STAT1: variants seen among roughly 807,000 people sequenced by gnomAD.
STAT1 encodes the protein signal transducer and activator of transcription 1, also known as signal transducer and activator of transcription 1-alpha/beta.
A neutral mutation model predicts 111.7 loss-of-function variants in STAT1; 24 were observed. That is an observed-to-expected ratio of 0.21 (90% CI 0.16 to 0.30). The LOEUF (loss-of-function observed/expected upper bound fraction) is 0.30, where lower values mean the gene tolerates loss of function less well. Ranked by LOEUF, STAT1 falls within the 10% of genes least tolerant of loss-of-function variation. The pLI is 1.00. For missense variants in STAT1, 351 were observed against 911.9 expected (o/e 0.38, Z 7.92); for synonymous variants, 332 against 326.5 (o/e 1.02, Z -0.18).
In STAT1 at chr2:190,986,712, C is replaced by A. The variant is rs41427447; in HGVS notation, c.1221+142G>T. ...GAAACCAAAATGCCCCAAGTACTGG[C>A]GACAGGAAGACACCAGCCACAAAGT... On this transcript the variant is annotated intron_variant, in intron 14 of 24. Coordinates refer to ENST00000361099, the MANE Select transcript of STAT1 (RefSeq NM_007315.4). The surrounding 1 kb of genome is among the most constrained non-coding windows in gnomAD (Gnocchi z 5.0). The A allele has an allele frequency of 7.5e-6, 6 of 800,040 alleles. No homozygotes were observed. The highest frequency in any genetic ancestry group is 2.9e-5 in the South Asian group (2 of 67,930). The allele number at this position is 800,040 out of a possible 1,614,324, so 49.6% of individuals were successfully genotyped here.
Position 190,983,786 on chromosome 2 carries a change from T to A in STAT1, c.1348-46A>T. The A allele has an allele frequency of 6.6e-7, 1 of 1,524,666 alleles. No homozygotes were observed. Among genetic ancestry groups the A allele is most frequent in the Non-Finnish European group, 9.1e-7 (1 of 1,098,690 alleles). The allele number at this position is 1,524,666 out of a possible 1,614,324, so 94.4% of individuals were successfully genotyped here. On this transcript the variant is annotated intron_variant, in intron 16 of 24. Transcript: ENST00000361099. The surrounding 1 kb of genome is among the most constrained non-coding windows in gnomAD (Gnocchi z 5.7). ...TGAAATCATCTGAATCACAGAAATG[T>A]CACCTTCAGATAACTGCTTAGCCTC... is the stretch of plus-strand genomic sequence containing the variant.
rs1311927895 is a variant in STAT1 at position 190,970,421 on chromosome 2, C to T, written c.*282G>A. ...TCCTTTCCCAAAGGACCCTCATTCT[C>T]GTCCTGATACTTTGGGTGTATCTGG... is the stretch of plus-strand genomic sequence containing the variant. On this transcript the variant is annotated 3_prime_UTR_variant, in exon 25 of 25. Coordinates refer to ENST00000361099, the MANE Select transcript of STAT1 (RefSeq NM_007315.4). The surrounding 1 kb of genome is among the most constrained non-coding windows in gnomAD (Gnocchi z 5.4). 7 of 508,044 alleles carry T rather than the reference C, an allele frequency of 1.4e-5. No homozygotes were observed. The highest frequency in any genetic ancestry group is 1.0e-4 in the South Asian group (5 of 48,526). The allele number at this position is 508,044 out of a possible 1,614,324, so 31.5% of individuals were successfully genotyped here.
Position 190,975,793 on chromosome 2 carries a change from CTCTTCTG to C in STAT1, c.2135+12_2135+18del, listed in dbSNP as rs1691865414. On this transcript the variant is annotated intron_variant, in intron 23 of 24. Transcript: ENST00000361099. This position sits in a 1 kb window ranked among gnomAD's most constrained non-coding sequence, Gnocchi z 5.9. Reference sequence around the variant, plus strand: ...TGGCTTGAGGTTTGTAAACATGTCACTCTTCTGTGTTCACTTACACTTCAGACACAGA... The same window carrying C: ...TGGCTTGAGGTTTGTAAACATGTCACTGTTCACTTACACTTCAGACACAGA... The C allele has an allele frequency of 2.5e-6, 4 of 1,613,960 alleles. No individual in the cohort carries two copies. The African/African-American group carries it at 5.3e-5, about 22-fold the overall frequency.
At position 190,974,062 on chromosome 2, in the gene STAT1, A is replaced by G. The variant is rs183236031; in HGVS notation, c.2238+768T>C. Among the ~76,000 whole-genome samples the G allele has an allele frequency of 6.6e-6, 1 of 152,354 alleles. No homozygotes were observed. The highest frequency in any genetic ancestry group is 1.9e-4 in the East Asian group (1 of 5,186). ...AGGATATTTTTTGGAAGCATTAAAT[A>G]AATTTTTAAAAATGAGCTGGAATAG... On this transcript the variant is annotated intron_variant, in intron 24 of 24. Coordinates refer to ENST00000361099, the MANE Select transcript of STAT1 (RefSeq NM_007315.4). The surrounding 1 kb of genome is among the most constrained non-coding windows in gnomAD (Gnocchi z 4.8).
In STAT1 at chr2:190,984,900, A is replaced by G. The variant is rs533662441; in HGVS notation, c.1264-507T>C. 3.3e-5 allele frequency among the ~76,000 whole-genome samples: 5 copies of G among 152,364 alleles called. No homozygotes were observed. Among genetic ancestry groups the G allele is most frequent in the African/African-American group, 1.2e-4 (5 of 41,586 alleles). ...TTACCTCATGTGAGCCTCACAACTT[A>G]GAACTAGAGAGGTGCAACAGCTAGA... is the stretch of plus-strand genomic sequence containing the variant. On this transcript the variant is annotated intron_variant, in intron 15 of 24. Transcript: ENST00000361099. The surrounding 1 kb of genome is among the most constrained non-coding windows in gnomAD (Gnocchi z 5.2).
At chr2:191,008,533 G>A (rs1376582359) in intron 4 of STAT1, among the ~76,000 whole-genome samples, 3 of 152,170 alleles carry the variant, frequency 2.0e-5, no homozygotes. Flanking sequence ...TTCCTTAGGT[G>A]AAAGTCAAAC....
In STAT1 at chr2:190,982,526, G is replaced by C. The variant is rs769967623; in HGVS notation, c.1447-8C>G. 8.1e-6 allele frequency: 13 copies of C among 1,613,976 alleles called. No individual in the cohort carries two copies. The highest frequency in any genetic ancestry group is 1.1e-5 in the Non-Finnish European group (13 of 1,179,990). On this transcript the variant is annotated splice_region_variant and splice_polypyrimidine_tract_variant and intron_variant, in intron 17 of 24. Coordinates refer to ENST00000361099, the MANE Select transcript of STAT1 (RefSeq NM_007315.4). This position sits in a 1 kb window ranked among gnomAD's most constrained non-coding sequence, Gnocchi z 7.3. ...CAGGAAGAAGGACAGATTCTAGAGA[G>C]AAAACACCCAAAATCTAAGGGTTAC...
chr2:190,978,616 A>C lies in STAT1; in HGVS notation c.1873+240T>G. 1 of 578,456 alleles carries C rather than the reference A, an allele frequency of 1.7e-6. No individual in the cohort carries two copies. The highest frequency in any genetic ancestry group is 1.9e-5 in the South Asian group (1 of 52,278). The allele number at this position is 578,456 out of a possible 1,614,324, so 35.8% of individuals were successfully genotyped here. ...TCTGCAGATAACAAACCTGATGCAA[A>C]GGAAAGAATTGGCATTGTCTTTTCA... On this transcript the variant is annotated intron_variant, in intron 21 of 24. Coordinates refer to ENST00000361099, the MANE Select transcript of STAT1 (RefSeq NM_007315.4). The surrounding 1 kb of genome is among the most constrained non-coding windows in gnomAD (Gnocchi z 6.1).
rs1182550148 is a variant in STAT1 at position 190,980,480 on chromosome 2, ACTTGCCCGAGGGGCTC to A, written c.1632+124_1632+139del. 8.2e-6 allele frequency: 8 copies of A among 979,810 alleles called. No homozygotes were observed. The highest frequency in any genetic ancestry group is 1.3e-5 in the Non-Finnish European group (8 of 620,110). 60.7% of individuals were successfully genotyped at this position (979,810 alleles called of 1,614,324 possible). On this transcript the variant is annotated intron_variant, in intron 19 of 24. Coordinates refer to ENST00000361099, the MANE Select transcript of STAT1 (RefSeq NM_007315.4). This position sits in a 1 kb window ranked among gnomAD's most constrained non-coding sequence, Gnocchi z 6.1. ...CTCCTGCACTGAAGAAAAGTAAACA[ACTTGCCCGAGGGGCTC>A]CTTGGCCAGAGAAGAACACGCCAAA...
rs536831089 is a variant in STAT1 at position 191,006,174 on chromosome 2, G to A, written c.372+1389C>T. 3.9e-5 allele frequency among the ~76,000 whole-genome samples: 6 copies of A among 152,302 alleles called. No individual in the cohort carries two copies. The highest frequency in any genetic ancestry group is 1.2e-4 in the African/African-American group (5 of 41,556). On this transcript the variant is annotated intron_variant, in intron 5 of 24. Coordinates refer to ENST00000361099, the MANE Select transcript of STAT1 (RefSeq NM_007315.4). This position sits in a 1 kb window ranked among gnomAD's most constrained non-coding sequence, Gnocchi z 4.6. ...TCAAGTCTATTAGAAATACAGAGGA[G>A]GCCCACGCATACTACTTTTAGGATG...
chr2:190,969,317 A>G lies in STAT1; in HGVS notation c.*1386T>C, dbSNP rs886973377. The G allele has an allele frequency of 6.6e-6, 1 of 152,204 alleles. No homozygotes were observed. Among genetic ancestry groups the G allele is most frequent in the Non-Finnish European group, 1.5e-5 (1 of 68,032 alleles). The allele number at this position is 152,204 out of a possible 1,614,324, so 9.4% of individuals were successfully genotyped here. ...GTGTGCATATTATATTTAATGCAAT[A>G]CAGATACTTTAGCTTTAATTTTAAA... On this transcript the variant is annotated 3_prime_UTR_variant, in exon 25 of 25. Coordinates refer to ENST00000361099, the MANE Select transcript of STAT1 (RefSeq NM_007315.4).
rs1224232481 is a variant in STAT1, at chr2:191,004,378, T to C, written c.372+3185A>G. On this transcript the variant is annotated intron_variant, in intron 5 of 24. Transcript: ENST00000361099. The surrounding 1 kb of genome is among the most constrained non-coding windows in gnomAD (Gnocchi z 5.0). ...AGACCTTGTTTGGATGGGAACTTGG[T>C]TACTCCAGACCCCAGAGCAAAGAAA... 6.6e-6 allele frequency among the ~76,000 whole-genome samples: 1 copy of C among 152,196 alleles called. No homozygotes were observed. Among genetic ancestry groups the C allele is most frequent in the Non-Finnish European group, 1.5e-5 (1 of 68,034 alleles).
rs988427380 is a variant in STAT1, at chr2:190,980,864, G to A, written c.1583-195C>T. ...TTATAATACGTGCTGTAAGAGGGCG[G>A]AATTTAAATGGTCTAAAATATGTAT... On this transcript the variant is annotated intron_variant, in intron 18 of 24. Transcript: ENST00000361099. The surrounding 1 kb of genome is among the most constrained non-coding windows in gnomAD (Gnocchi z 6.1). 6.6e-6 allele frequency among the ~76,000 whole-genome samples: 1 copy of A among 152,156 alleles called. No homozygotes were observed. Among genetic ancestry groups the A allele is most frequent in the Non-Finnish European group, 1.5e-5 (1 of 68,042 alleles).
chr2:190,991,698 T>A (rs12464143), intron 10 of STAT1, among the ~76,000 whole-genome samples: 34,873 of 150,948 alleles, frequency 0.23, 5,108 homozygotes, highest in African/African-American at 0.39. Flanking sequence ...ATCTTTACAA[T>A]TTGTTTTTTT....
rs932815505 is a variant in STAT1, at chr2:191,007,545, T to C, written c.372+18A>G. ...TTTTATTTTATTACAGTTTATGTGT[T>C]CAATGAGAAAAAAGTACCTGATTAA... On this transcript the variant is annotated intron_variant, in intron 5 of 24. Coordinates refer to ENST00000361099, the MANE Select transcript of STAT1 (RefSeq NM_007315.4). This position sits in a 1 kb window ranked among gnomAD's most constrained non-coding sequence, Gnocchi z 4.2. The C allele has an allele frequency of 8.3e-6, 13 of 1,562,866 alleles. No homozygotes were observed. The highest frequency in any genetic ancestry group is 1.1e-5 in the Non-Finnish European group (12 of 1,134,134).
Position 191,001,104 on chromosome 2 carries a change from A to G in STAT1, c.432T>C (p.Ser144=), listed in dbSNP as rs756854157. The change falls in exon 6 of 25, where the codon AGT becomes AGC. Residue 144 remains serine, a synonymous_variant. Transcript: ENST00000361099. ...VMLDKQKELD[S]KVRNVKDKVM... ...CCTTGTCCTTCACATTTCTGACTTT[A>G]CTGTCAAGCTCTTTCTGTTTGTCTA... 6.2e-7 allele frequency: 1 copy of G among 1,614,016 alleles called. No homozygotes were observed. The highest frequency in any genetic ancestry group is 2.2e-5 in the East Asian group (1 of 44,874).
intron 2 of STAT1, among the ~76,000 whole-genome samples, chr2:191,011,303 G>A (rs1695096272): frequency 6.6e-6 from 1 of 152,110 alleles, no homozygotes; most frequent in Non-Finnish European, 1.5e-5. Flanking sequence ...TCCCTGCTTG[G>A]TAACTAATAA....
rs1056003060 is a variant in STAT1, at chr2:191,013,643, C to G, written c.-120G>C. ...CACAGAGTGCGAACGTTAACCTAGA[C>G]AGCTCTCGAGGATGGCATACAGCAA... On this transcript the variant is annotated 5_prime_UTR_variant, in exon 2 of 25. Coordinates refer to ENST00000361099, the MANE Select transcript of STAT1 (RefSeq NM_007315.4). 5.0e-6 allele frequency: 2 copies of G among 398,522 alleles called. No homozygotes were observed. Among genetic ancestry groups the G allele is most frequent in the Non-Finnish European group, 8.8e-6 (2 of 226,110 alleles). The allele number at this position is 398,522 out of a possible 1,614,324, so 24.7% of individuals were successfully genotyped here.
At chr2:191,011,372 A>G (rs975405710) in intron 2 of STAT1, among the ~76,000 whole-genome samples, 2 of 152,192 alleles carry the variant, frequency 1.3e-5, no homozygotes, top group African/African-American at 2.4e-5. Context: ...AACGCCTCTT[A>G]TTAGCCAAGC....
Sources: allele counts gnomAD v4.1 joint callset (sites outside exome capture counted in the v4.1 genomes callset), GRCh38; gene constraint gnomAD v4.1.1; non-coding constraint Gnocchi (gnomAD v3.1); transcripts MANE v1.5; gene names NCBI Gene and HGNC (gene_info 2026-07-23, HGNC 2026-07-21).